CNTN5: variants seen among roughly 807,000 people sequenced by gnomAD.
The protein encoded by CNTN5 is contactin-5.
A neutral mutation model predicts 129.1 loss-of-function variants in CNTN5; 77 were observed. That is an observed-to-expected ratio of 0.60 (90% CI 0.50 to 0.72). The LOEUF (loss-of-function observed/expected upper bound fraction) is 0.72, where lower values mean the gene tolerates loss of function less well. CNTN5 is among the 30% of genes least tolerant of loss of function. The pLI is 0.00. For missense variants in CNTN5, 1,478 were observed against 1,328.8 expected (o/e 1.11, Z -1.75); for synonymous variants, 509 against 465.6 (o/e 1.09, Z -1.20).
intron 1 of CNTN5, among the ~76,000 whole-genome samples, chr11:99,086,161 T>C (rs944691961): frequency 6.6e-6 from 1 of 152,198 alleles, no homozygotes; most frequent in Non-Finnish European, 1.5e-5. Context: ...CCAACCCACT[T>C]GTTCCAGGTC....
chr11:99,844,619 T>G, intron 4 of CNTN5: 1 of 498,884 alleles, frequency 2.0e-6, no homozygotes, highest in East Asian at 4.4e-5. Context: ...CTGAGGTTTG[T>G]TTTTTATGTA....
At chr11:99,899,104 A>T (rs1022238503) in intron 6 of CNTN5, among the ~76,000 whole-genome samples, 3 of 152,014 alleles carry the variant, frequency 2.0e-5, no homozygotes, top group African/African-American at 7.2e-5. Context: ...GAAGTCACTA[A>T]TCAGGTCTAG....
chr11:99,701,573 G>T (rs1056256452), intron 3 of CNTN5, among the ~76,000 whole-genome samples: 6 of 150,994 alleles, frequency 4.0e-5, no homozygotes, highest in Non-Finnish European at 8.9e-5. Flanking sequence ...TTTGAATTCA[G>T]ATGATCAAAT....
chr11:99,523,156 T>C (rs1420288501), intron 2 of CNTN5, among the ~76,000 whole-genome samples: 1 of 152,228 alleles, frequency 6.6e-6, no homozygotes, highest in Non-Finnish European at 1.5e-5. Context: ...ACAGCCTTTC[T>C]CATCTTTCAA....
chr11:99,137,915 G>T (rs994462105), intron 1 of CNTN5, among the ~76,000 whole-genome samples: 1 of 152,026 alleles, frequency 6.6e-6, no homozygotes, highest in Admixed American at 6.6e-5. Flanking sequence ...CATTGAAAGA[G>T]AAATGAAAAA....
At chr11:99,374,230 A>C (rs1403077450) in intron 2 of CNTN5, among the ~76,000 whole-genome samples, 3 of 152,192 alleles carry the variant, frequency 2.0e-5, no homozygotes, top group Non-Finnish European at 4.4e-5. Flanking sequence ...CAGCACATCT[A>C]TTTCTAACTT....
At chr11:100,055,028 T>TAAAA (rs137939088) in intron 9 of CNTN5, among the ~76,000 whole-genome samples, 4 of 91,654 alleles carry the variant, frequency 4.4e-5, no homozygotes, top group Non-Finnish European at 6.7e-5. Context: ...AGCCGTAGCC[T>TAAAA]AAAAAAAAAA....
At chr11:99,940,188 C>T (rs1306476408) in intron 7 of CNTN5, among the ~76,000 whole-genome samples, 1 of 152,030 alleles carries the variant, frequency 6.6e-6, no homozygotes, top group East Asian at 1.9e-4. Flanking sequence ...GAATTATCAG[C>T]CCCCAATGTC....
intron 10 of CNTN5, among the ~76,000 whole-genome samples, chr11:100,070,177 AAAAAG>A (rs1181630980): frequency 5.9e-5 from 9 of 151,882 alleles, no homozygotes; most frequent in Non-Finnish European, 1.2e-4. Flanking sequence ...AAAAAAAAAA[AAAAAG>A]AAGAAGAAGA....
Position 100,271,181 on chromosome 11 carries a change from A to C in CNTN5, c.2254A>C (p.Asn752His), listed in dbSNP as rs756254551. The stretch of plus-strand genomic sequence containing the variant: ...ATATGAATTTCGAGTGGTAGCCACC[A>C]ACCCTATTGGGACAGGAGATCCAAG... ...VEYEFRVVAT[N>H]PIGTGDPSTP... Residue 752 changes from asparagine to histidine, a missense_variant, in exon 18 of 25, where the codon AAC becomes CAC. Physicochemically the swap from Asn to His is moderately conservative, Grantham distance 68. Transcript: ENST00000524871. The C allele has an allele frequency of 6.2e-7, 1 of 1,613,440 alleles. No homozygotes were observed. The highest frequency in any genetic ancestry group is 8.5e-7 in the Non-Finnish European group (1 of 1,179,680).
intron 18 of CNTN5, among the ~76,000 whole-genome samples, chr11:100,285,777 T>G (rs1345084579): frequency 6.6e-6 from 1 of 152,116 alleles, no homozygotes; most frequent in Non-Finnish European, 1.5e-5. Flanking sequence ...TAGGAACAGC[T>G]CCGGTCTACA....
chr11:99,442,834 CA>C (rs764138507), intron 2 of CNTN5, among the ~76,000 whole-genome samples: 1 of 152,064 alleles, frequency 6.6e-6, no homozygotes, highest in Non-Finnish European at 1.5e-5. Context: ...CGAAGTGATA[CA>C]AAACATGACT....
At chr11:100,141,806 G>A (rs911768192) in intron 13 of CNTN5, among the ~76,000 whole-genome samples, 2 of 152,068 alleles carry the variant, frequency 1.3e-5, no homozygotes, top group Non-Finnish European at 2.9e-5. Context: ...ATTATGATGG[G>A]TAATTTGAGG....
chr11:99,980,602 A>G (rs1938270745), intron 8 of CNTN5, among the ~76,000 whole-genome samples: 1 of 152,168 alleles, frequency 6.6e-6, no homozygotes, highest in Non-Finnish European at 1.5e-5. Context: ...TTTTTGAAGA[A>G]GAAAAAGTAC....
intron 17 of CNTN5, among the ~76,000 whole-genome samples, chr11:100,256,942 G>C (rs11223432): frequency 0.19 from 28,942 of 152,018 alleles, 3,950 homozygotes; most frequent in East Asian, 0.61. Context: ...TGGAATGCCA[G>C]TGAGACAGAA....
intron 6 of CNTN5, among the ~76,000 whole-genome samples, chr11:99,857,220 T>C (rs1344830574): frequency 2.0e-5 from 3 of 152,196 alleles, no homozygotes; most frequent in African/African-American, 7.2e-5. Flanking sequence ...TTTATTAGAC[T>C]ATAAACTCAT....
At chr11:99,766,553 C>T (rs1944762351) in intron 3 of CNTN5, among the ~76,000 whole-genome samples, 1 of 151,812 alleles carries the variant, frequency 6.6e-6, no homozygotes, top group Admixed American at 6.6e-5. Flanking sequence ...AAAAGACTAC[C>T]CCTTATCAAA....
chr11:100,185,434 G>T (rs1285974183), intron 13 of CNTN5, among the ~76,000 whole-genome samples: 1 of 152,018 alleles, frequency 6.6e-6, no homozygotes, highest in Non-Finnish European at 1.5e-5. Flanking sequence ...ACATCAGTGG[G>T]CTCCCTTGTC....
intron 8 of CNTN5, among the ~76,000 whole-genome samples, chr11:100,001,669 T>C (rs1322726894): frequency 1.3e-5 from 2 of 152,206 alleles, no homozygotes; most frequent in African/African-American, 4.8e-5. Flanking sequence ...ATATTTGACT[T>C]TATAAATGAA....
Sources: gnomAD v4.1 joint callset for allele counts (sites outside exome capture counted in the v4.1 genomes callset) on GRCh38, gnomAD v4.1.1 for gene constraint, MANE v1.5 for transcripts, NCBI Gene and HGNC (gene_info 2026-07-23, HGNC 2026-07-21) for gene names.